XRCC4: variants seen among roughly 807,000 people sequenced by gnomAD.
XRCC4 encodes the protein X-ray repair cross complementing 4.
XRCC4 carries 28 observed loss-of-function variants against 39.1 expected under a neutral mutation model. The ratio of observed to expected loss-of-function variants is 0.72; its 90% CI spans 0.53 to 0.98. The LOEUF (loss-of-function observed/expected upper bound fraction) is 0.98, where lower values mean the gene tolerates loss of function less well. Ranked by LOEUF, XRCC4 falls within the 50% of genes least tolerant of loss-of-function variation. The pLI is 0.00. For synonymous variants in XRCC4, 123 were observed against 126.4 expected (o/e 0.97, Z 0.18); for missense variants, 350 against 376.4 (o/e 0.93, Z 0.58).
intron 7 of XRCC4, among the ~76,000 whole-genome samples, chr5:83,347,072 G>A (rs908244398): frequency 6.6e-6 from 1 of 152,016 alleles, no homozygotes; most frequent in Non-Finnish European, 1.5e-5. Flanking sequence ...TTTAAAAATT[G>A]AACCAACCCA....
At chr5:83,226,699 C>T (rs533349949) in intron 6 of XRCC4, among the ~76,000 whole-genome samples, 91 of 152,128 alleles carry the variant, frequency 6.0e-4, no homozygotes, top group Non-Finnish European at 9.8e-4. Context: ...GAATTTATCT[C>T]AGCTTTTTCT....
intron 1 of XRCC4, 149 bp downstream of exon 1, chr5:83,077,764 C>A (rs1234368355): frequency 3.6e-5 from 6 of 165,156 alleles, no homozygotes; most frequent in African/African-American, 1.2e-4. Flanking sequence ...TGTGAGCTCC[C>A]GCGACTTCCT....
intron 3 of XRCC4, among the ~76,000 whole-genome samples, chr5:83,175,155 A>G (rs913105192): frequency 1.3e-5 from 2 of 152,228 alleles, no homozygotes; most frequent in African/African-American, 2.4e-5. Context: ...ACTTACTACT[A>G]TTAACTCCCT....
intron 7 of XRCC4, among the ~76,000 whole-genome samples, chr5:83,267,833 A>G (rs1387029342): frequency 6.6e-6 from 1 of 152,196 alleles, no homozygotes; most frequent in African/African-American, 2.4e-5. Context: ...CAGATTGTAT[A>G]AAACAAACGC....
intron 7 of XRCC4, among the ~76,000 whole-genome samples, chr5:83,345,001 G>T (rs1473637064): frequency 6.6e-6 from 1 of 152,134 alleles, no homozygotes; most frequent in Non-Finnish European, 1.5e-5. Flanking sequence ...CGCTAATGAA[G>T]TTGAGCTTAT....
At position 83,181,983 on chromosome 5, in the gene XRCC4, C is replaced by G. The variant is rs1750227101; in HGVS notation, c.316-13787C>G. ...AGCCAAAACAAGTAGGAAGTTGAAG[C>G]AAAATGCCCTTGTTGAAGCAATGCT... is the stretch of plus-strand genomic sequence containing the variant. On this transcript the variant is annotated intron_variant, in intron 3 of 7. Transcript: ENST00000396027. 2.6e-5 allele frequency among the ~76,000 whole-genome samples: 4 copies of G among 151,592 alleles called. No homozygotes were observed. The South Asian group carries it at 8.5e-4, about 32-fold the overall frequency.
intron 3 of XRCC4, among the ~76,000 whole-genome samples, chr5:83,147,203 C>T (rs1748494033): frequency 6.6e-6 from 1 of 152,100 alleles, no homozygotes; most frequent in South Asian, 2.1e-4. Flanking sequence ...GTGGGAGGGT[C>T]TCTTGAACCC....
At chr5:83,209,177 T>C (rs1202677379) in intron 6 of XRCC4, among the ~76,000 whole-genome samples, 1 of 151,960 alleles carries the variant, frequency 6.6e-6, no homozygotes, top group Non-Finnish European at 1.5e-5. Context: ...GTCTTCCCTA[T>C]AAGAAACTCT....
At chr5:83,326,643 G>A (rs1756271895) in intron 7 of XRCC4, among the ~76,000 whole-genome samples, 2 of 152,056 alleles carry the variant, frequency 1.3e-5, no homozygotes, top group Admixed American at 1.3e-4. Flanking sequence ...TTTTACAAGT[G>A]TAATTTTGAC....
At chr5:83,201,238 A>C (rs1206107269) in intron 4 of XRCC4, 1 of 152,250 alleles carries the variant, frequency 6.6e-6, no homozygotes, top group Non-Finnish European at 1.5e-5. Flanking sequence ...CATGGTGCCC[A>C]GCAGGAATGG....
intron 5 of XRCC4, among the ~76,000 whole-genome samples, chr5:83,204,244 T>C (rs1751330981): frequency 6.6e-6 from 1 of 152,180 alleles, no homozygotes; most frequent in South Asian, 2.1e-4. Context: ...ATTATAACTT[T>C]TTTACGCATT....
At chr5:83,308,235 A>G (rs1755556724) in intron 7 of XRCC4, among the ~76,000 whole-genome samples, 1 of 152,206 alleles carries the variant, frequency 6.6e-6, no homozygotes. Context: ...GTGTAGTCAT[A>G]TTACTAAGAA....
At chr5:83,177,026 T>C (rs1315058806) in intron 3 of XRCC4, among the ~76,000 whole-genome samples, 2 of 152,164 alleles carry the variant, frequency 1.3e-5, no homozygotes, top group African/African-American at 2.4e-5. Context: ...AGCAGTAATA[T>C]TAGCATATAT....
intron 3 of XRCC4, among the ~76,000 whole-genome samples, chr5:83,181,054 T>TC (rs1178358313): frequency 2.2e-5 from 1 of 44,900 alleles, no homozygotes; most frequent in African/African-American, 1.2e-4. Flanking sequence ...TTAAACTTTC[T>TC]TTTTTTTTTT....
intron 7 of XRCC4, among the ~76,000 whole-genome samples, chr5:83,349,280 CA>C (rs1757010307): frequency 1.3e-5 from 2 of 152,218 alleles, no homozygotes; most frequent in Non-Finnish European, 2.9e-5. Context: ...TTGAGGATTA[CA>C]GTTCAAAAAG....
At chr5:83,080,035 A>G (rs1299010500) in intron 1 of XRCC4, among the ~76,000 whole-genome samples, 1 of 152,212 alleles carries the variant, frequency 6.6e-6, no homozygotes, top group Non-Finnish European at 1.5e-5. Context: ...GCATACAGTA[A>G]GCACTCAGAA....
At chr5:83,251,523 C>CAAAAAAA (rs60359773) in intron 6 of XRCC4, among the ~76,000 whole-genome samples, 3 of 69,910 alleles carry the variant, frequency 4.3e-5, no homozygotes, top group Non-Finnish European at 1.0e-4. Context: ...GACTCCGTCT[C>CAAAAAAA]AAAAAAAAAA....
intron 3 of XRCC4, among the ~76,000 whole-genome samples, chr5:83,125,565 G>A (rs772649415): frequency 3.9e-5 from 6 of 152,054 alleles, no homozygotes; most frequent in Admixed American, 6.6e-5. Flanking sequence ...TTGCATCTTC[G>A]TTAAAAATCA....
intron 5 of XRCC4, among the ~76,000 whole-genome samples, chr5:83,204,039 TG>T (rs1265935454): frequency 6.6e-6 from 1 of 152,206 alleles, no homozygotes; most frequent in African/African-American, 2.4e-5. Flanking sequence ...GATGCATATT[TG>T]TAATCTTGAT....
Sources: allele counts gnomAD v4.1 joint callset (sites outside exome capture counted in the v4.1 genomes callset), GRCh38; gene constraint gnomAD v4.1.1; transcripts MANE v1.5; gene names NCBI Gene and HGNC (gene_info 2026-07-23, HGNC 2026-07-21).